The following LEKR1 variants were observed in gnomAD, a reference collection of about 807,000 sequenced individuals.
The protein encoded by LEKR1 is protein LEKR1.
LEKR1 carries 59 observed loss-of-function variants against 72.4 expected under a neutral mutation model. The ratio of observed to expected loss-of-function variants is 0.82; its 90% confidence interval spans 0.66 to 1.01. The LOEUF (loss-of-function observed/expected upper bound fraction) is 1.01, where lower values mean the gene tolerates loss of function less well. Ranked by LOEUF, LEKR1 falls within the 50% of genes least tolerant of loss-of-function variation. The pLI, the probability that LEKR1 is intolerant of heterozygous loss-of-function variation, is 0.00. For synonymous variants in LEKR1, 257 were observed against 263.2 expected (o/e 0.98, Z 0.23); for missense variants, 728 against 759.2 (o/e 0.96, Z 0.48).
At chr3:156,886,987 A>T (rs1050606612) in intron 3 of LEKR1, among the ~76,000 whole-genome samples, 1 of 152,206 alleles carries the variant, frequency 6.6e-6, no homozygotes, top group Admixed American at 6.5e-5. Flanking sequence ...TTGTCCATCC[A>T]TGTGGGAGCT....
intron 2 of LEKR1, among the ~76,000 whole-genome samples, chr3:156,846,315 T>C (rs1714591309): frequency 1.3e-5 from 2 of 152,154 alleles, no homozygotes; most frequent in Admixed American, 1.3e-4. Context: ...TTTCCCCTTC[T>C]TGCATTGTTG....
Position 157,007,054 on chromosome 3 carries a change from T to TA in LEKR1, c.1110-4358dup, listed in dbSNP as rs756930100. 2.3e-4 allele frequency among the ~76,000 whole-genome samples: 34 copies of TA among 150,854 alleles called. No homozygotes were observed. In the Middle Eastern group the frequency reaches 0.01, roughly 45 times the overall value. On this transcript the variant is annotated intron_variant, in intron 9 of 12. Transcript: ENST00000356539. Reference sequence around the variant, plus strand: ...CTCTACTAAAAAAATACAAAAAAAATAGCCGGGCGTGGTGGCGGGCGCCTG... The same window carrying TA: ...CTCTACTAAAAAAATACAAAAAAAATAAGCCGGGCGTGGTGGCGGGCGCCTG...
rs71141797 is a variant in LEKR1, at chr3:156,932,705, C to CAA, written c.559+5118_559+5119dup. On this transcript the variant is annotated intron_variant, in intron 5 of 12. Coordinates refer to ENST00000356539, the MANE Select transcript of LEKR1 (RefSeq NM_001004316.3). ...TGGGTGACAGAGTGAGACTCTGTCT[C>CAA]AAAAAAAAAAAAAAAAAAGGGTATC... 3.9e-3 allele frequency among the ~76,000 whole-genome samples: 388 copies of CAA among 99,678 alleles called. 1 individual carries two copies. The highest frequency in any genetic ancestry group is 0.013 in the African/African-American group (303 of 24,172). The allele number at this position is 99,678 out of a possible 152,430, so 65.4% of individuals were successfully genotyped here. A position where few individuals can be genotyped will look rare whatever the true frequency, so the allele number is the denominator to read the frequency against.
At chr3:156,911,413 G>A (rs1054716145) in intron 3 of LEKR1, among the ~76,000 whole-genome samples, 5 of 151,968 alleles carry the variant, frequency 3.3e-5, no homozygotes, top group African/African-American at 1.2e-4. Flanking sequence ...TAGACTTGTT[G>A]GATGCATAGT....
rs767874111 is a variant in LEKR1, at chr3:156,920,582, G to C, written c.271G>C (p.Asp91His). The C allele has an allele frequency of 6.9e-7, 1 of 1,455,998 alleles. No individual in the cohort carries two copies. Among genetic ancestry groups the C allele is most frequent in the South Asian group, 1.3e-5 (1 of 77,040 alleles). The allele number at this position is 1,455,998 out of a possible 1,614,324, so 90.2% of individuals were successfully genotyped here. A position where few individuals can be genotyped will look rare whatever the true frequency, so the allele number is the denominator to read the frequency against. The part of the protein sequence containing the change: ...DNKSKTERIY[D>H]VGMQLKSQQN... ...GTTTGTTTATATTTTTAGAATTTAC[G>C]ATGTAGGCATGCAGTTAAAAAGTCA... is the stretch of plus-strand genomic sequence containing the variant. The change falls in exon 4 of 13, where the codon GAT (aspartate) becomes CAT (histidine). Residue 91 changes from aspartate to histidine, a missense_variant. Physicochemically the swap from Asp to His is moderately conservative, Grantham distance 81. Transcript: ENST00000356539.
At chr3:157,013,704 G>A (rs1041066022) in intron 10 of LEKR1, among the ~76,000 whole-genome samples, 1 of 152,104 alleles carries the variant, frequency 6.6e-6, no homozygotes, top group South Asian at 2.1e-4. Context: ...TGCCTTGGCT[G>A]TGTTAGCTAT....
intron 3 of LEKR1, among the ~76,000 whole-genome samples, chr3:156,861,858 A>T (rs572954970): frequency 6.6e-6 from 1 of 152,048 alleles, no homozygotes; most frequent in Non-Finnish European, 1.5e-5. Flanking sequence ...TCTTTTTATT[A>T]TCTTTTCATT....
chr3:156,893,552 T>A (rs1720872238), intron 3 of LEKR1, among the ~76,000 whole-genome samples: 1 of 151,580 alleles, frequency 6.6e-6, no homozygotes, highest in Admixed American at 6.6e-5. Context: ...GATTCTGTCC[T>A]CACCACAGTA....
intron 6 of LEKR1, among the ~76,000 whole-genome samples, chr3:156,965,712 C>A (rs1728502616): frequency 6.6e-6 from 1 of 152,058 alleles, no homozygotes; most frequent in African/African-American, 2.4e-5. Flanking sequence ...AATATAAACC[C>A]TAAAATGAAA....
intron 5 of LEKR1, among the ~76,000 whole-genome samples, chr3:156,931,148 G>A (rs150675537): frequency 1.1e-3 from 160 of 152,242 alleles, no homozygotes; most frequent in Admixed American, 9.6e-3. Flanking sequence ...TTTACAAAAT[G>A]TGTGACAAAG....
chr3:156,873,294 A>C (rs1293733331), intron 3 of LEKR1, among the ~76,000 whole-genome samples: 1 of 151,670 alleles, frequency 6.6e-6, no homozygotes, highest in African/African-American at 2.4e-5. Flanking sequence ...CTTTCTTTTC[A>C]TTCTATATGT....
intron 3 of LEKR1, among the ~76,000 whole-genome samples, chr3:156,872,382 A>C (rs943705803): frequency 1.3e-5 from 2 of 152,026 alleles, no homozygotes; most frequent in Non-Finnish European, 2.9e-5. Flanking sequence ...TTGTCAAAAT[A>C]AACTTTTCAT....
intron 1 of LEKR1, among the ~76,000 whole-genome samples, chr3:156,827,346 C>G (rs147169103): frequency 1.3e-5 from 2 of 152,186 alleles, no homozygotes; most frequent in East Asian, 1.9e-4. Context: ...AACCTAGGTG[C>G]GTTATTCCTA....
intron 3 of LEKR1, among the ~76,000 whole-genome samples, chr3:156,875,928 G>C (rs1014125518): frequency 2.1e-5 from 3 of 140,884 alleles, no homozygotes; most frequent in Non-Finnish European, 4.5e-5. Context: ...CCGGGGGGCA[G>C]AGCCTGCAGT....
At chr3:156,962,694 T>A (rs1234005873) in intron 6 of LEKR1, among the ~76,000 whole-genome samples, 1 of 152,208 alleles carries the variant, frequency 6.6e-6, no homozygotes, top group Non-Finnish European at 1.5e-5. Flanking sequence ...ATTTTATTAA[T>A]GTTTGAATCA....
chr3:156,940,400 G>T (rs928404795), intron 5 of LEKR1, among the ~76,000 whole-genome samples: 1 of 152,126 alleles, frequency 6.6e-6, no homozygotes, highest in African/African-American at 2.4e-5. Flanking sequence ...AATATATGAG[G>T]ATAGGAGGAC....
At chr3:156,881,562 A>G (rs1190609811) in intron 3 of LEKR1, among the ~76,000 whole-genome samples, 1 of 151,392 alleles carries the variant, frequency 6.6e-6, no homozygotes, top group Non-Finnish European at 1.5e-5. Flanking sequence ...TATCATGAAA[A>G]TGGCCATACT....
At chr3:156,960,117 GC>G in intron 6 of LEKR1, among the ~76,000 whole-genome samples, 1 of 152,280 alleles carries the variant, frequency 6.6e-6, no homozygotes, top group Middle Eastern at 3.4e-3. Flanking sequence ...ACCTTGGAAG[GC>G]CCTTTGGGCT....
chr3:156,941,395 C>A (rs1726187289), intron 5 of LEKR1, among the ~76,000 whole-genome samples: 1 of 152,048 alleles, frequency 6.6e-6, no homozygotes, highest in African/African-American at 2.4e-5. Flanking sequence ...AAAACATGCT[C>A]TTTTTTCCTG....
Sources: allele counts gnomAD v4.1 joint callset (sites outside exome capture counted in the v4.1 genomes callset), GRCh38; gene constraint gnomAD v4.1.1; transcripts MANE v1.5; gene names NCBI Gene and HGNC (gene_info 2026-07-23, HGNC 2026-07-21).